FCHSD2: variants seen among roughly 807,000 people sequenced by gnomAD.
FCHSD2 encodes F-BAR and double SH3 domains protein 2.
FCHSD2 carries 38 observed loss-of-function variants against 108.1 expected under a neutral mutation model. The ratio of observed to expected loss-of-function variants is 0.35; its 90% CI spans 0.27 to 0.46. FCHSD2 has a LOEUF of 0.46. Among genes scored for constraint, FCHSD2 ranks in the 20% least tolerant of loss-of-function variants. The pLI is 1.00. For synonymous variants in FCHSD2, 279 were observed against 314.7 expected, an observed-to-expected ratio of 0.89 and a Z score of 1.20; for missense variants, 751 against 897.8, an observed-to-expected ratio of 0.84 and a Z score of 2.09.
At position 73,123,558 on chromosome 11, in the gene FCHSD2, T is replaced by C. The variant is rs1442631293; in HGVS notation, c.119+16473A>G. Among the ~76,000 whole-genome samples the C allele has an allele frequency of 2.6e-5, 4 of 152,234 alleles. No homozygotes were observed. The East Asian group carries it at 7.7e-4, about 29-fold the overall frequency. ...TGACTCTTGCTTTTATAATGCGTTC[T>C]TGGCATCTATATTTGAATAAGCTAT... On this transcript the variant is annotated intron_variant, in intron 2 of 19. Transcript: ENST00000409418.
At chr11:72,934,024 G>A (rs962840947) in intron 8 of FCHSD2, among the ~76,000 whole-genome samples, 3 of 145,660 alleles carry the variant, frequency 2.1e-5, no homozygotes, top group African/African-American at 7.6e-5. Context: ...TAGGAGGGCT[G>A]CCTGAGCCTG....
At chr11:73,139,541 T>G (rs1330848099) in intron 2 of FCHSD2, among the ~76,000 whole-genome samples, 1 of 152,170 alleles carries the variant, frequency 6.6e-6, no homozygotes, top group Non-Finnish European at 1.5e-5. Flanking sequence ...AATAATAAAA[T>G]AAAATATGAT....
At chr11:72,989,422 T>A (rs1212587102) in intron 5 of FCHSD2, among the ~76,000 whole-genome samples, 1 of 152,140 alleles carries the variant, frequency 6.6e-6, no homozygotes, top group Non-Finnish European at 1.5e-5. Context: ...GATATCATGA[T>A]AATAAAATCA....
At chr11:72,907,748 G>A (rs751030100) in intron 9 of FCHSD2, among the ~76,000 whole-genome samples, 37 of 151,566 alleles carry the variant, frequency 2.4e-4, no homozygotes, top group Non-Finnish European at 4.0e-4. Context: ...CCGCCACCAC[G>A]CCTGGCTGCT....
intron 2 of FCHSD2, among the ~76,000 whole-genome samples, chr11:73,129,998 C>G (rs893823855): frequency 2.0e-5 from 3 of 151,326 alleles, no homozygotes; most frequent in African/African-American, 7.3e-5. Context: ...CCTGCCTTAG[C>G]CCCCACCGAG....
chr11:73,045,629 G>A (rs949385685), intron 3 of FCHSD2, among the ~76,000 whole-genome samples: 1 of 150,376 alleles, frequency 6.6e-6, no homozygotes, highest in Non-Finnish European at 1.5e-5. Flanking sequence ...GGACATGGAT[G>A]AAATTGGAAA....
At chr11:72,976,467 A>G (rs1857105932) in intron 8 of FCHSD2, among the ~76,000 whole-genome samples, 1 of 151,986 alleles carries the variant, frequency 6.6e-6, no homozygotes, top group African/African-American at 2.4e-5. Context: ...TTTTGTAGAG[A>G]CAAAGTCTCA....
chr11:73,063,615 CA>C (rs71588180), intron 3 of FCHSD2, among the ~76,000 whole-genome samples: 2 of 148,042 alleles, frequency 1.4e-5, no homozygotes, highest in East Asian at 2.0e-4. Flanking sequence ...AAATGGAAAG[CA>C]AAAAAAAAGC....
At chr11:72,843,046 G>T in intron 16 of FCHSD2, 105 bp downstream of exon 16, 1 of 1,124,322 alleles carries the variant, frequency 8.9e-7, no homozygotes, top group Non-Finnish European at 1.3e-6. Context: ...CATATTATAG[G>T]ACAGGAGGAA....
At chr11:73,082,335 C>CAAAA (rs750423401) in intron 3 of FCHSD2, among the ~76,000 whole-genome samples, 2,012 of 34,306 alleles carry the variant, frequency 0.059, 279 homozygotes, top group Middle Eastern at 0.11. Context: ...AGACTTGTCC[C>CAAAA]AAAAAAAAAA....
chr11:72,971,269 T>A (rs935221717), intron 8 of FCHSD2, among the ~76,000 whole-genome samples: 1 of 152,134 alleles, frequency 6.6e-6, no homozygotes, highest in Non-Finnish European at 1.5e-5. Context: ...TTGAGAAATA[T>A]GAAATGCTTA....
chr11:72,931,719 C>T (rs1314415303), intron 8 of FCHSD2, among the ~76,000 whole-genome samples: 3 of 151,994 alleles, frequency 2.0e-5, no homozygotes, highest in Non-Finnish European at 4.4e-5. Context: ...GAACAGAGAT[C>T]GCACCACTGC....
chr11:72,936,917 T>C (rs1407291033), intron 8 of FCHSD2, among the ~76,000 whole-genome samples: 2 of 152,220 alleles, frequency 1.3e-5, no homozygotes, highest in African/African-American at 4.8e-5. Flanking sequence ...GTAAGTCCAA[T>C]GTATGGACTT....
At chr11:73,011,435 A>ACT (rs1221858630) in intron 4 of FCHSD2, among the ~76,000 whole-genome samples, 1 of 152,202 alleles carries the variant, frequency 6.6e-6, no homozygotes, top group Non-Finnish European at 1.5e-5. Context: ...CCCCAGCAGC[A>ACT]CTTACACTGC....
At chr11:72,955,036 C>T (rs1171053579) in intron 8 of FCHSD2, among the ~76,000 whole-genome samples, 4 of 152,198 alleles carry the variant, frequency 2.6e-5, no homozygotes, top group Non-Finnish European at 4.4e-5. Flanking sequence ...CCAAGCAATT[C>T]CCTGGCAGAT....
chr11:72,985,506 C>T (rs1857294014), intron 6 of FCHSD2, among the ~76,000 whole-genome samples: 1 of 152,146 alleles, frequency 6.6e-6, no homozygotes. Flanking sequence ...GACCCAGGGA[C>T]AATCAACCTA....
chr11:72,898,958 T>C (rs1036383340), intron 10 of FCHSD2, among the ~76,000 whole-genome samples: 3 of 152,066 alleles, frequency 2.0e-5, no homozygotes, highest in East Asian at 1.9e-4. Context: ...TTGCCCAGGC[T>C]GGTCTCGAAC....
intron 4 of FCHSD2, among the ~76,000 whole-genome samples, chr11:73,009,475 T>C (rs925141334): frequency 6.6e-6 from 1 of 152,030 alleles, no homozygotes; most frequent in Non-Finnish European, 1.5e-5. Flanking sequence ...CCAGCCTGGG[T>C]GATGGAGTGA....
intron 12 of FCHSD2, among the ~76,000 whole-genome samples, chr11:72,876,288 C>T (rs906116722): frequency 2.0e-5 from 3 of 152,148 alleles, no homozygotes; most frequent in African/African-American, 7.2e-5. Context: ...TGTGCCACTG[C>T]AGTCCAGCCT....
Sources: gnomAD v4.1 joint callset for allele counts (sites outside exome capture counted in the v4.1 genomes callset) on GRCh38, gnomAD v4.1.1 for gene constraint, MANE v1.5 for transcripts, NCBI Gene and HGNC (gene_info 2026-07-23, HGNC 2026-07-21) for gene names.